The following RNASET2 variants were observed in gnomAD, a reference collection of about 807,000 sequenced individuals.
The protein encoded by RNASET2 is ribonuclease 6.
A neutral mutation model predicts 33.9 loss-of-function variants in RNASET2; 28 were observed. That is an observed-to-expected ratio of 0.83 (90% CI 0.61 to 1.13). The LOEUF (loss-of-function observed/expected upper bound fraction) is 1.13, where lower values mean the gene tolerates loss of function less well. RNASET2 is among the 50% of genes most tolerant of loss of function. The pLI, the probability that RNASET2 is intolerant of heterozygous loss-of-function variation, is 0.00. For synonymous variants in RNASET2, 123 were observed against 121.0 expected (o/e 1.02, Z -0.11); for missense variants, 330 against 319.9 (o/e 1.03, Z -0.24).
At chr6:166,938,697 C>T (rs763232753) in intron 6 of RNASET2, 198 bp downstream of exon 6, 33 of 766,078 alleles carry the variant, frequency 4.3e-5, no homozygotes, top group South Asian at 2.6e-4. Flanking sequence ...TCTGTGTGAT[C>T]GTGATGTAGA....
chr6:166,927,932 C>T lies in RNASET2; in HGVS notation c.*1656G>A, dbSNP rs1209625096. 6.6e-6 allele frequency among the ~76,000 whole-genome samples: 1 copy of T among 152,146 alleles called. No individual in the cohort carries two copies. The highest frequency in any genetic ancestry group is 1.5e-5 in the Non-Finnish European group (1 of 68,020). On this transcript the variant is annotated 3_prime_UTR_variant, in exon 9 of 9. Transcript: ENST00000508775. ...AACAAATCCTGCCCTGCCAAGCCAA[C>T]AGAAAAACACTGGAGACAGAAATGA... is the stretch of plus-strand genomic sequence containing the variant.
At chr6:166,934,280 A>C (rs1778515252) in intron 6 of RNASET2, 144 bp from the exon 7 acceptor site, 1 of 678,290 alleles carries the variant, frequency 1.5e-6, no homozygotes, top group South Asian at 1.6e-5. Flanking sequence ...CAAATGTGTC[A>C]ACATGGACTG....
Position 166,928,921 on chromosome 6 carries a change from A to G in RNASET2, c.*667T>C, listed in dbSNP as rs1244024896. On this transcript the variant is annotated 3_prime_UTR_variant, in exon 9 of 9. Transcript: ENST00000508775. Reference sequence around the variant, plus strand: ...GCTACCCTCTGATAAGAAGGAAGTGAGGCCTGACAGAAACTGACCTTCCAG... The same window carrying G: ...GCTACCCTCTGATAAGAAGGAAGTGGGGCCTGACAGAAACTGACCTTCCAG... 6.6e-6 allele frequency among the ~76,000 whole-genome samples: 1 copy of G among 152,254 alleles called. No homozygotes were observed. The highest frequency in any genetic ancestry group is 1.5e-5 in the Non-Finnish European group (1 of 68,042).
At chr6:166,932,870 G>A (rs1778481158) in intron 7 of RNASET2, 1 of 152,156 alleles carries the variant, frequency 6.6e-6, no homozygotes. Flanking sequence ...AGGACGGTGA[G>A]GGCCCTGCAA....
rs182840612 is a variant in RNASET2 at position 166,924,704 on chromosome 6, G to C, written c.*4884C>G. On this transcript the variant is annotated 3_prime_UTR_variant, in exon 9 of 9. Coordinates refer to ENST00000508775, the MANE Select transcript of RNASET2 (RefSeq NM_003730.6). ...CTTTTCCCTTGCCGTCTGTTGCCCTGCACTTTGGGAGGCTGAGGCAGGTGG... is the reference window on the plus strand; with the variant it reads ...CTTTTCCCTTGCCGTCTGTTGCCCTCCACTTTGGGAGGCTGAGGCAGGTGG... Among the ~76,000 whole-genome samples the C allele has an allele frequency of 2.0e-4, 31 of 152,290 alleles. No homozygotes were observed. The highest frequency in any genetic ancestry group is 7.0e-4 in the African/African-American group (29 of 41,568).
chr6:166,941,187 A>G (rs1284953331), intron 5 of RNASET2, among the ~76,000 whole-genome samples: 1 of 152,214 alleles, frequency 6.6e-6, no homozygotes, highest in Admixed American at 6.5e-5. Flanking sequence ...TAAGTGTGTA[A>G]TTCAACTATC....
At chr6:166,949,546 T>C (rs937753160) in intron 2 of RNASET2, among the ~76,000 whole-genome samples, 7 of 137,830 alleles carry the variant, frequency 5.1e-5, no homozygotes, top group Admixed American at 2.2e-4. Context: ...ATCAAGGGCA[T>C]AATCTGAGCC....
intron 2 of RNASET2, 132 bp downstream of exon 2, chr6:166,952,354 GAC>G (rs1286926388): frequency 1.2e-6 from 1 of 800,684 alleles, no homozygotes; most frequent in Non-Finnish European, 2.2e-6. Flanking sequence ...CTCTGCAGGA[GAC>G]ACCGCCCACC....
intron 8 of RNASET2, among the ~76,000 whole-genome samples, chr6:166,930,577 AT>A (rs936317358): frequency 2.7e-5 from 4 of 149,514 alleles, no homozygotes; most frequent in African/African-American, 5.0e-5. Context: ...ATGCACACAC[AT>A]GCACACACAC....
chr6:166,940,454 C>T (rs1372183482), intron 5 of RNASET2, among the ~76,000 whole-genome samples: 1 of 152,082 alleles, frequency 6.6e-6, no homozygotes, highest in African/African-American at 2.4e-5. Context: ...GAGCAAATTA[C>T]CTGATAACTT....
In RNASET2 at chr6:166,931,104, T is replaced by A; in HGVS notation, c.507A>T (p.Lys169Asn). ...CTCCATATACTCTGGCAAGGGCATC[T>A]TTAAAATCTGCAACCTGATTTTAAA... ...SINYYQVADF[K>N]DALARVYGVI... The change falls in exon 8 of 9, where the codon AAA becomes AAT. Residue 169 changes from lysine (K) to asparagine (N), a missense_variant. By Grantham distance (94) the Lys-to-Asn change is moderately conservative. Transcript: ENST00000508775. The A allele has an allele frequency of 6.2e-7, 1 of 1,608,672 alleles. No individual in the cohort carries two copies. The highest frequency in any genetic ancestry group is 8.5e-7 in the Non-Finnish European group (1 of 1,174,998).
chr6:166,943,221 A>C, intron 4 of RNASET2, 132 bp from the exon 5 acceptor site: 1 of 673,718 alleles, frequency 1.5e-6, no homozygotes. Context: ...GAATAAAATA[A>C]TCCTATGCTT....
In RNASET2 at chr6:166,933,333, G is replaced by C. The variant is rs903002715; in HGVS notation, c.492+758C>G. ...GAGTACAATTTTGTTTACAAAAACA[G>C]GCAACCAAGAGTTGAAAACAACTAC... is the stretch of plus-strand genomic sequence containing the variant. On this transcript the variant is annotated intron_variant, in intron 7 of 8. Transcript: ENST00000508775. This position sits in a 1 kb window ranked among gnomAD's most constrained non-coding sequence, Gnocchi z 4.1. The C allele has an allele frequency of 7.9e-5, 12 of 152,002 alleles. No homozygotes were observed. Among genetic ancestry groups the C allele is most frequent in the African/African-American group, 2.7e-4 (11 of 41,380 alleles). 9.4% of individuals were successfully genotyped at this position (152,002 alleles called of 1,614,324 possible).
intron 5 of RNASET2, among the ~76,000 whole-genome samples, chr6:166,940,833 C>A (rs1434320280): frequency 6.6e-6 from 1 of 152,136 alleles, no homozygotes; most frequent in Non-Finnish European, 1.5e-5. Context: ...GACTCACCCA[C>A]CAAGAGCAGA....
intron 5 of RNASET2, 86 bp downstream of exon 5, chr6:166,942,933 A>T: frequency 9.3e-7 from 1 of 1,080,498 alleles, no homozygotes; most frequent in Non-Finnish European, 1.4e-6. Flanking sequence ...CTTGCTTCCC[A>T]CACAGTTTCC....
intron 3 of RNASET2, among the ~76,000 whole-genome samples, chr6:166,948,151 G>A (rs1778893242): frequency 6.6e-6 from 1 of 152,110 alleles, no homozygotes; most frequent in African/African-American, 2.4e-5. Flanking sequence ...GTCGAGACCA[G>A]CCTGACAAAC....
At chr6:166,930,754 A>G (rs1014848859) in intron 8 of RNASET2, among the ~76,000 whole-genome samples, 2 of 149,710 alleles carry the variant, frequency 1.3e-5, no homozygotes, top group East Asian at 2.0e-4. Context: ...ACACACATGC[A>G]CACACAGGAC....
chr6:166,937,748 T>G (rs1778602561), intron 6 of RNASET2, among the ~76,000 whole-genome samples: 1 of 152,198 alleles, frequency 6.6e-6, no homozygotes, highest in Non-Finnish European at 1.5e-5. Flanking sequence ...GTACAACTAG[T>G]TAGTGTCAGA....
chr6:166,955,662 G>A (rs1779146791), intron 1 of RNASET2: 1 of 1,021,666 alleles, frequency 9.8e-7, no homozygotes, highest in Non-Finnish European at 1.2e-6. Context: ...CTCCAGGCTG[G>A]AGTGTACCCA....
Sources: gnomAD v4.1 joint callset for allele counts (sites outside exome capture counted in the v4.1 genomes callset) on GRCh38, gnomAD v4.1.1 for gene constraint, Gnocchi (gnomAD v3.1) non-coding constraint, MANE v1.5 for transcripts, NCBI Gene and HGNC (gene_info 2026-07-23, HGNC 2026-07-21) for gene names.